CBFB: variants seen among roughly 807,000 people sequenced by gnomAD.
CBFB encodes CBF-beta.
Under a neutral mutation model 30.4 loss-of-function variants are expected in CBFB, and 9 were observed. The observed-to-expected ratio is 0.30, with a 90% CI of 0.18 to 0.52. CBFB has a LOEUF of 0.52. Among genes scored for constraint, CBFB ranks in the 20% least tolerant of loss-of-function variants. CBFB has a pLI of 0.97. For synonymous variants in CBFB, 94 were observed against 84.0 expected, an observed-to-expected ratio of 1.12 and a Z score of -0.65; for missense variants, 170 against 244.0, an observed-to-expected ratio of 0.70 and a Z score of 2.02.
intron 4 of CBFB, among the ~76,000 whole-genome samples, chr16:67,080,920 T>C (rs1468922087): frequency 1.3e-5 from 2 of 152,184 alleles, no homozygotes; most frequent in East Asian, 3.8e-4. Context: ...GACTTATGTT[T>C]CCAAGGTGTG....
At chr16:67,077,998 G>A (rs1361533562) in intron 4 of CBFB, among the ~76,000 whole-genome samples, 1 of 152,198 alleles carries the variant, frequency 6.6e-6, no homozygotes. Context: ...TGGCTGGTGG[G>A]GACGGGAGAA....
At chr16:67,049,240 G>T (rs556055257) in intron 3 of CBFB, among the ~76,000 whole-genome samples, 64 of 151,930 alleles carry the variant, frequency 4.2e-4, no homozygotes, top group African/African-American at 1.5e-3. Context: ...AGAGTCTCTT[G>T]TCTGCCAGGC....
At chr16:67,046,238 C>G (rs1369142878) in intron 3 of CBFB, among the ~76,000 whole-genome samples, 1 of 152,044 alleles carries the variant, frequency 6.6e-6, no homozygotes, top group Non-Finnish European at 1.5e-5. Context: ...TCCCAAGTAG[C>G]TGGAACCACA....
chr16:67,060,639 T>C (rs1960884780), intron 3 of CBFB, among the ~76,000 whole-genome samples: 1 of 152,100 alleles, frequency 6.6e-6, no homozygotes, highest in South Asian at 2.1e-4. Context: ...CACTGCAACC[T>C]CCGCCTCCTG....
chr16:67,048,561 G>T (rs531079388), intron 3 of CBFB, among the ~76,000 whole-genome samples: 20 of 152,116 alleles, frequency 1.3e-4, no homozygotes, highest in South Asian at 4.2e-4. Context: ...TTTTTTGTTT[G>T]TTTGTTTGAG....
intron 5 of CBFB, among the ~76,000 whole-genome samples, chr16:67,090,145 T>C (rs908040063): frequency 2.0e-5 from 3 of 152,234 alleles, no homozygotes; most frequent in African/African-American, 7.2e-5. Context: ...GATTGAGTAG[T>C]GACTAGAAGT....
At chr16:67,040,926 C>G (rs542161828) in intron 3 of CBFB, among the ~76,000 whole-genome samples, 1 of 152,204 alleles carries the variant, frequency 6.6e-6, no homozygotes, top group Admixed American at 6.5e-5. Context: ...ATAAAGGGCC[C>G]CAGAGTGGCA....
At chr16:67,059,107 C>T (rs917809795) in intron 3 of CBFB, among the ~76,000 whole-genome samples, 1 of 152,168 alleles carries the variant, frequency 6.6e-6, no homozygotes, top group Non-Finnish European at 1.5e-5. Flanking sequence ...AAACTATGAT[C>T]TTTTCTGTAA....
chr16:67,090,466 ATAAC>A (rs1225136686), intron 5 of CBFB, among the ~76,000 whole-genome samples: 1 of 152,184 alleles, frequency 6.6e-6, no homozygotes, highest in Non-Finnish European at 1.5e-5. Context: ...ATATATGTCT[ATAAC>A]TAATTCAAAT....
intron 4 of CBFB, among the ~76,000 whole-genome samples, chr16:67,070,724 A>G (rs538298285): frequency 6.6e-6 from 1 of 151,134 alleles, no homozygotes; most frequent in East Asian, 1.9e-4. Context: ...GGTGGTGTGC[A>G]CCTGTAGACC....
chr16:67,045,634 C>A (rs569916466), intron 3 of CBFB, among the ~76,000 whole-genome samples: 1 of 152,218 alleles, frequency 6.6e-6, no homozygotes, highest in East Asian at 1.9e-4. Flanking sequence ...TGTGAAGTCC[C>A]GTTTTCTCTT....
chr16:67,081,239 G>A (rs1488149364), intron 4 of CBFB, among the ~76,000 whole-genome samples: 2 of 148,374 alleles, frequency 1.3e-5, no homozygotes, highest in Non-Finnish European at 3.0e-5. Context: ...TTGGTTTTTT[G>A]TTCTTGGCGA....
At position 67,061,404 on chromosome 16, in the gene CBFB, A is replaced by G. The variant is rs572462765; in HGVS notation, c.283-5278A>G. Among the ~76,000 whole-genome samples, 3 of 152,336 alleles carry G rather than the reference A, an allele frequency of 2.0e-5. No individual in the cohort carries two copies. In the East Asian group the frequency reaches 5.8e-4, roughly 29 times the overall value. ...TTTAATCCCTAGTTCATATTCTAAT[A>G]ACTTTTCTTTTTAAAGTTTGAAATA... On this transcript the variant is annotated intron_variant, in intron 3 of 5. Coordinates refer to ENST00000412916, the MANE Select transcript of CBFB (RefSeq NM_022845.3).
chr16:67,071,980 C>T (rs535611439), intron 4 of CBFB, among the ~76,000 whole-genome samples: 1 of 152,292 alleles, frequency 6.6e-6, no homozygotes, highest in East Asian at 1.9e-4. Flanking sequence ...CCCAACACAG[C>T]TTTGTTTCTC....
At chr16:67,094,970 GC>G (rs1961999125) in intron 5 of CBFB, among the ~76,000 whole-genome samples, 1 of 151,620 alleles carries the variant, frequency 6.6e-6, no homozygotes, top group South Asian at 2.1e-4. Flanking sequence ...TAATCCCAGT[GC>G]TTTTGAGAGG....
At chr16:67,069,229 G>A (rs1437336087) in intron 4 of CBFB, among the ~76,000 whole-genome samples, 1 of 151,918 alleles carries the variant, frequency 6.6e-6, no homozygotes, top group Admixed American at 6.6e-5. Context: ...AAAACGCCGA[G>A]TGTTGTGGCA....
At chr16:67,075,210 T>TAC (rs1446036011) in intron 4 of CBFB, among the ~76,000 whole-genome samples, 6 of 134,944 alleles carry the variant, frequency 4.4e-5, no homozygotes, top group African/African-American at 2.2e-4. Flanking sequence ...TGTGTGTGTG[T>TAC]GTGTGTGTGT....
intron 2 of CBFB, among the ~76,000 whole-genome samples, chr16:67,035,023 T>C (rs948829914): frequency 6.6e-6 from 1 of 152,098 alleles, no homozygotes; most frequent in Non-Finnish European, 1.5e-5. Flanking sequence ...TTTTTTTTTT[T>C]AACTAGTGTT....
intron 5 of CBFB, among the ~76,000 whole-genome samples, chr16:67,092,838 G>A (rs184852917): frequency 1.3e-3 from 191 of 149,850 alleles, no homozygotes; most frequent in Non-Finnish European, 1.9e-3. Context: ...TCAGCCTCCC[G>A]AGTAGCTGGG....
Sources: gnomAD v4.1 joint callset for allele counts (sites outside exome capture counted in the v4.1 genomes callset) on GRCh38, gnomAD v4.1.1 for gene constraint, MANE v1.5 for transcripts, NCBI Gene and HGNC (gene_info 2026-07-23, HGNC 2026-07-21) for gene names.